Variants in TECTA observed in about 807,000 individuals in gnomAD.
TECTA encodes the protein alpha-tectorin.
A neutral mutation model predicts 216.8 loss-of-function variants in TECTA; 128 were observed. The ratio of observed to expected loss-of-function variants is 0.59; its 90% CI spans 0.51 to 0.68. TECTA has a LOEUF of 0.68. Among genes scored for constraint, TECTA ranks in the 30% least tolerant of loss-of-function variants. The pLI is 0.00. For missense variants in TECTA, 2,551 were observed against 2,786.2 expected (o/e 0.92, Z 1.90); for synonymous variants, 1,089 against 1,117.1 (o/e 0.97, Z 0.50).
chr11:121,151,717 T>C (rs2135113451), intron 12 of TECTA, among the ~76,000 whole-genome samples: 1 of 152,330 alleles, frequency 6.6e-6, no homozygotes, highest in South Asian at 2.1e-4. Context: ...TGGTATATTG[T>C]GAGAGTGGTT....
rs559461104 is a variant in TECTA, at chr11:121,124,361, G to A, written c.1204-941G>A. On this transcript the variant is annotated intron_variant, in intron 7 of 23. Coordinates refer to ENST00000392793, the MANE Select transcript of TECTA (RefSeq NM_005422.4). ...CTCTGTAGTCCAGTAACACCTCAGT[G>A]TCTGCCCCCCAACCCCACCCAGCTG... Among the ~76,000 whole-genome samples, 6 of 152,254 alleles carry A rather than the reference G, an allele frequency of 3.9e-5. No homozygotes were observed. In the East Asian group the frequency reaches 7.7e-4, roughly 20 times the overall value.
intron 10 of TECTA, among the ~76,000 whole-genome samples, chr11:121,133,423 G>T (rs1946694274): frequency 6.6e-6 from 1 of 152,298 alleles, no homozygotes; most frequent in Non-Finnish European, 1.5e-5. Context: ...TTTGTCAGTT[G>T]ACTGAGCAAT....
In TECTA at chr11:121,136,020, G is replaced by A. The variant is rs545099027; in HGVS notation, c.2942-1401G>A. Among the ~76,000 whole-genome samples, 23 of 151,702 alleles carry A rather than the reference G, an allele frequency of 1.5e-4. No homozygotes were observed. The East Asian group carries it at 3.7e-3, about 24-fold the overall frequency. On this transcript the variant is annotated intron_variant, in intron 10 of 23. Coordinates refer to ENST00000392793, the MANE Select transcript of TECTA (RefSeq NM_005422.4). ...GTCACCCAGGCTGGAGTACAGTGGC[G>A]CAATCTCTGCTCACTGCAACTGCCA...
intron 12 of TECTA, among the ~76,000 whole-genome samples, chr11:121,149,774 G>A (rs1005106216): frequency 8.5e-5 from 13 of 152,214 alleles, no homozygotes; most frequent in African/African-American, 1.4e-4. Context: ...TCTTGACCAC[G>A]GTACAAATCC....
Position 121,145,672 on chromosome 11 carries a change from T to C in TECTA, c.3661T>C (p.Trp1221Arg). Residue 1221 changes from tryptophan to arginine, a missense_variant, in exon 12 of 24, where the codon TGG (tryptophan) becomes CGG (arginine). Physicochemically the swap from Trp to Arg is moderately radical, Grantham distance 101. Around this residue, in one of 3 missense-constraint regions of TECTA, gnomAD observed 2,375 missense variants for 2,563.9 expected, o/e 0.93. Transcript: ENST00000392793. ...TTTTGGCCTGAAGGTTGTATATGAC[T>C]GGAAGACCTTCCTGTCCATCACAGT... ...TDFGLKVVYD[W>R]KTFLSITVPR... The C allele has an allele frequency of 6.2e-7, 1 of 1,614,260 alleles. No individual in the cohort carries two copies. Among genetic ancestry groups the C allele is most frequent in the Non-Finnish European group, 8.5e-7 (1 of 1,180,034 alleles).
rs1012906465 is a variant in TECTA, at chr11:121,166,713, T to C, written c.5519T>C (p.Ile1840Thr). ...ATCAATGACAGACAGTGCACCGGCA[T>C]CGAGGGGGAAGATTTTATCTCCTTT... ...VRINDRQCTG[I>T]EGEDFISFQI... is the part of the protein sequence containing the mutation. The change falls in exon 18 of 24, where the codon ATC (isoleucine) becomes ACC (threonine). Residue 1840 changes from isoleucine (I) to threonine (T), a missense_variant. Ile to Thr is a moderately conservative substitution (Grantham distance 89). Coordinates refer to ENST00000392793, the MANE Select transcript of TECTA (RefSeq NM_005422.4). 1.2e-6 allele frequency: 2 copies of C among 1,614,128 alleles called. No homozygotes were observed. Among genetic ancestry groups the C allele is most frequent in the Middle Eastern group, 1.6e-4 (1 of 6,062 alleles).
intron 6 of TECTA, 35 bp from the exon 7 acceptor site, chr11:121,118,271 C>T (rs765413022): frequency 9.9e-6 from 16 of 1,612,800 alleles, no homozygotes. Flanking sequence ...GGGAAATGCT[C>T]AGTAAATGTT....
At chr11:121,109,749 C>G in intron 4 of TECTA, 1 of 507,726 alleles carries the variant, frequency 2.0e-6, no homozygotes, top group Non-Finnish European at 3.5e-6. Context: ...AAAAAAAAAC[C>G]CTCAAAAACT....
chr11:121,149,460 C>A (rs1011309869), intron 12 of TECTA, among the ~76,000 whole-genome samples: 2 of 152,146 alleles, frequency 1.3e-5, no homozygotes, highest in Non-Finnish European at 2.9e-5. Flanking sequence ...CTGTGAATTG[C>A]AGAAGTTATT....
At chr11:121,122,251 T>C (rs1176704226) in intron 7 of TECTA, among the ~76,000 whole-genome samples, 1 of 152,078 alleles carries the variant, frequency 6.6e-6, no homozygotes, top group Admixed American at 6.6e-5. Context: ...GTGGAGCCCT[T>C]ATGAATGGGA....
chr11:121,190,658 A>T, intron 23 of TECTA, 48 bp from the exon 24 acceptor site: 1 of 1,376,646 alleles, frequency 7.3e-7, no homozygotes, highest in East Asian at 2.3e-5. Context: ...CCTATCAAAC[A>T]GGTATTTTTC....
chr11:121,186,437 C>T (rs77233977), intron 20 of TECTA, among the ~76,000 whole-genome samples: 3,551 of 152,320 alleles, frequency 0.023, 56 homozygotes, highest in Non-Finnish European at 0.037. Context: ...GATAGCCATT[C>T]CTGCCTCTCT....
In TECTA at chr11:121,158,186, G is replaced by T. The variant is rs1452561308; in HGVS notation, c.4651G>T (p.Glu1551Ter). The T allele has an allele frequency of 1.2e-6, 2 of 1,613,760 alleles. No homozygotes were observed. The highest frequency in any genetic ancestry group is 1.7e-6 in the Non-Finnish European group (2 of 1,180,038). Residue 1551 changes from glutamate to a stop codon, truncating the protein, a stop_gained, in exon 14 of 24, where the codon GAA becomes TAA. Coordinates refer to ENST00000392793, the MANE Select transcript of TECTA (RefSeq NM_005422.4). LOFTEE classifies it high-confidence loss of function. ...IISPVYFYINEEQILINDRNT... is the reference protein window; with the variant it reads ...IISPVYFYIN ...TTCGCCCGTCTACTTCTACATTAAC[G>T]AAGAGCAGATTCTCATCAACGACCG...
At chr11:121,179,958 T>G (rs991997844) in intron 20 of TECTA, among the ~76,000 whole-genome samples, 5 of 150,178 alleles carry the variant, frequency 3.3e-5, no homozygotes, top group East Asian at 2.0e-4. Flanking sequence ...TTTGAGTTTT[T>G]TTTGTTTGTT....
chr11:121,120,803 G>A (rs1010172905), intron 7 of TECTA, among the ~76,000 whole-genome samples: 5 of 152,216 alleles, frequency 3.3e-5, no homozygotes, highest in African/African-American at 1.2e-4. Context: ...GCGTGAACAC[G>A]AGTAGTTTAG....
chr11:121,146,354 A>G, intron 12 of TECTA: 3 of 576,280 alleles, frequency 5.2e-6, no homozygotes, highest in Non-Finnish European at 6.2e-6. Flanking sequence ...CTGAGGATGA[A>G]ATAAGATCAT....
rs140569889 is a variant in TECTA, at chr11:121,127,993, T to C, written c.2016T>C (p.Thr672=). ...TCTTCTGGGCCACGGCCAACTGCAC[T>C]GTGCAATGCCTGTGCGAGGAGGGCG... The part of the protein sequence containing the change: ...GEFFWATANC[T]VQCLCEEGGD... The change falls in exon 9 of 24, where the codon ACT becomes ACC. Residue 672 remains threonine, a synonymous_variant. Transcript: ENST00000392793. The surrounding 1 kb of genome is among the most constrained non-coding windows in gnomAD (Gnocchi z 5.0). 36 of 1,614,126 alleles carry C rather than the reference T, an allele frequency of 2.2e-5. No homozygotes were observed. The African/African-American group carries it at 4.0e-4, about 18-fold the overall frequency.
rs1310086901 is a variant in TECTA, at chr11:121,113,797, C to T, written c.790+79C>T. On this transcript the variant is annotated intron_variant, in intron 6 of 23. Transcript: ENST00000392793. This position sits in a 1 kb window ranked among gnomAD's most constrained non-coding sequence, Gnocchi z 4.2. ...CAGGCAAGCTTTTAAGCCACGGGGGCGGACTCATTCCTGATGCCTTACTCT... is the reference window on the plus strand; with the variant it reads ...CAGGCAAGCTTTTAAGCCACGGGGGTGGACTCATTCCTGATGCCTTACTCT... 4.5e-6 allele frequency: 7 copies of T among 1,546,274 alleles called. No individual in the cohort carries two copies. The highest frequency in any genetic ancestry group is 1.1e-5 in the South Asian group (1 of 87,290).
In TECTA at chr11:121,137,506, C is replaced by T. The variant is rs564015728; in HGVS notation, c.3027C>T (p.Cys1009=). 1.9e-5 allele frequency: 31 copies of T among 1,613,810 alleles called. No individual in the cohort carries two copies. Among genetic ancestry groups the T allele is most frequent in the South Asian group, 4.4e-5 (4 of 91,084 alleles). ...AGACCCTTACCCTGGGCCCCATCTGCGTGGATAGCTGCTCTGAGGGATGTC... is the reference window on the plus strand; with the variant it reads ...AGACCCTTACCCTGGGCCCCATCTGTGTGGATAGCTGCTCTGAGGGATGTC... ...TCETLTLGPI[C]VDSCSEGCQC... Residue 1009 remains cysteine (C), a synonymous_variant, in exon 11 of 24, where the codon TGC becomes TGT. Coordinates refer to ENST00000392793, the MANE Select transcript of TECTA (RefSeq NM_005422.4).
Sources: allele counts gnomAD v4.1 joint callset (sites outside exome capture counted in the v4.1 genomes callset), GRCh38; gene constraint gnomAD v4.1.1; regional missense constraint gnomAD v4.1.1; non-coding constraint Gnocchi (gnomAD v3.1); transcripts MANE v1.5; gene names NCBI Gene and HGNC (gene_info 2026-07-23, HGNC 2026-07-21).